Variants in DCUN1D5 observed in about 807,000 individuals in gnomAD.
DCUN1D5 encodes the protein DCN1-like protein 5.
Under a neutral mutation model 38.3 loss-of-function variants are expected in DCUN1D5, and 10 were observed. The ratio of observed to expected loss-of-function variants is 0.26; its 90% CI spans 0.16 to 0.44. DCUN1D5 has a LOEUF of 0.44. Ranked by LOEUF, DCUN1D5 falls within the 20% of genes least tolerant of loss-of-function variation. The probability of loss-of-function intolerance (pLI) is 1.00; values close to 1 mark genes in which losing one functional copy is unlikely to be tolerated. For synonymous variants in DCUN1D5, 93 were observed against 90.9 expected, an observed-to-expected ratio of 1.02 and a Z score of -0.13; for missense variants, 148 against 275.3, an observed-to-expected ratio of 0.54 and a Z score of 3.27.
chr11:103,070,432 C>A (rs1224748371), intron 4 of DCUN1D5, among the ~76,000 whole-genome samples: 1 of 152,036 alleles, frequency 6.6e-6, no homozygotes, highest in Non-Finnish European at 1.5e-5. Context: ...AATAGAGCAA[C>A]TTCAGAGCAA....
At chr11:103,070,321 C>T (rs1381168954) in intron 4 of DCUN1D5, among the ~76,000 whole-genome samples, 1 of 151,962 alleles carries the variant, frequency 6.6e-6, no homozygotes, top group Admixed American at 6.6e-5. Flanking sequence ...ACTTTAACTT[C>T]AAATAGTATA....
At position 103,055,546 on chromosome 11, in the gene DCUN1D5, C is replaced by T. The variant is rs886498816; in HGVS notation, c.*6813G>A. ...TGCCATTTGTTTACATATTTGGCAA[C>T]TATTATCAATCTTGCTTTTTAAATC... On this transcript the variant is annotated 3_prime_UTR_variant, in exon 8 of 8. Coordinates refer to ENST00000260247, the MANE Select transcript of DCUN1D5 (RefSeq NM_032299.4). The T allele has an allele frequency of 5.9e-5, 9 of 152,148 alleles. No individual in the cohort carries two copies. The highest frequency in any genetic ancestry group is 2.2e-4 in the African/African-American group (9 of 41,452). The allele number at this position is 152,148 out of a possible 1,614,324, so 9.4% of individuals were successfully genotyped here.
chr11:103,085,806 T>A (rs979781807), intron 2 of DCUN1D5, among the ~76,000 whole-genome samples: 2 of 152,192 alleles, frequency 1.3e-5, no homozygotes, highest in Non-Finnish European at 1.5e-5. Flanking sequence ...GAAGAAGCTA[T>A]AGAAATGATT....
rs1176635276 is a variant in DCUN1D5 at position 103,087,911 on chromosome 11, T to C, written c.178+1316A>G. Among the ~76,000 whole-genome samples the C allele has an allele frequency of 6.6e-6, 1 of 152,192 alleles. No individual in the cohort carries two copies. Among genetic ancestry groups the C allele is most frequent in the African/African-American group, 2.4e-5 (1 of 41,440 alleles). On this transcript the variant is annotated intron_variant, in intron 2 of 7. Coordinates refer to ENST00000260247, the MANE Select transcript of DCUN1D5 (RefSeq NM_032299.4). The surrounding 1 kb of genome is among the most constrained non-coding windows in gnomAD (Gnocchi z 4.1). Reference sequence around the variant, plus strand: ...TAAGATGGGTGACCTTTTGATTATATATCATTCATACCAGTAAAACTGGCA... The same window carrying C: ...TAAGATGGGTGACCTTTTGATTATACATCATTCATACCAGTAAAACTGGCA...
chr11:103,067,085 T>C (rs1389277000), intron 4 of DCUN1D5, among the ~76,000 whole-genome samples: 2 of 152,192 alleles, frequency 1.3e-5, no homozygotes, highest in East Asian at 3.8e-4. Flanking sequence ...CCTATATTTT[T>C]GTGAACAAAA....
At chr11:103,088,240 C>T (rs1459566413) in intron 2 of DCUN1D5, among the ~76,000 whole-genome samples, 1 of 150,982 alleles carries the variant, frequency 6.6e-6, no homozygotes. Context: ...AAATATAAGG[C>T]AATAGCTACA....
intron 4 of DCUN1D5, among the ~76,000 whole-genome samples, chr11:103,074,623 C>A (rs998164036): frequency 3.9e-5 from 6 of 152,220 alleles, no homozygotes; most frequent in Non-Finnish European, 1.5e-5. Flanking sequence ...CCAGGATGGT[C>A]TCAATCTCCT....
chr11:103,080,417 C>G (rs1016636702), intron 4 of DCUN1D5, among the ~76,000 whole-genome samples: 1 of 152,034 alleles, frequency 6.6e-6, no homozygotes, highest in South Asian at 2.1e-4. Context: ...TTATTCATAG[C>G]AAGTTTTTAA....
At position 103,062,078 on chromosome 11, in the gene DCUN1D5, C is replaced by T. The variant is rs1448469864; in HGVS notation, c.*281G>A. ...CTCTGACACTCAAGGGACATCTTCA[C>T]TTTAAGGCCTTTGTCACAAATCTGA... On this transcript the variant is annotated 3_prime_UTR_variant, in exon 8 of 8. Transcript: ENST00000260247. This position sits in a 1 kb window ranked among gnomAD's most constrained non-coding sequence, Gnocchi z 4.6. 10 of 349,842 alleles carry T rather than the reference C, an allele frequency of 2.9e-5. No individual in the cohort carries two copies. The highest frequency in any genetic ancestry group is 4.1e-5 in the Non-Finnish European group (8 of 195,282). The allele number at this position is 349,842 out of a possible 1,614,324, so 21.7% of individuals were successfully genotyped here. A position where few individuals can be genotyped will look rare whatever the true frequency, so the allele number is the denominator to read the frequency against.
rs113032356 is a variant in DCUN1D5, at chr11:103,057,551, CA to C, written c.*4807del. Reference sequence around the variant, plus strand: ...GAAATCCCATCTTTACTAAAACAAACAAAAAAAAAAATACAAAACTTAGCTG... The same window carrying C: ...GAAATCCCATCTTTACTAAAACAAACAAAAAAAAAATACAAAACTTAGCTG... On this transcript the variant is annotated 3_prime_UTR_variant, in exon 8 of 8. Coordinates refer to ENST00000260247, the MANE Select transcript of DCUN1D5 (RefSeq NM_032299.4). This position sits in a 1 kb window ranked among gnomAD's most constrained non-coding sequence, Gnocchi z 4.8. Among the ~76,000 whole-genome samples, 101 of 142,792 alleles carry C rather than the reference CA, an allele frequency of 7.1e-4. No individual in the cohort carries two copies. Among genetic ancestry groups the C allele is most frequent in the African/African-American group, 7.9e-4 (31 of 39,024 alleles). 93.7% of individuals were successfully genotyped at this position (142,792 alleles called of 152,430 possible). A position where few individuals can be genotyped will look rare whatever the true frequency, so the allele number is the denominator to read the frequency against.
Position 103,083,670 on chromosome 11 carries a change from T to C in DCUN1D5, c.179-344A>G, listed in dbSNP as rs1333781533. ...TCTGAATAAAATTTTTGACAATGCA[T>C]GAATATGAAAAAACATAAGGCAGCT... On this transcript the variant is annotated intron_variant, in intron 2 of 7. Transcript: ENST00000260247. The surrounding 1 kb of genome is among the most constrained non-coding windows in gnomAD (Gnocchi z 4.4). Among the ~76,000 whole-genome samples the C allele has an allele frequency of 6.6e-6, 1 of 151,672 alleles. No individual in the cohort carries two copies. Among genetic ancestry groups the C allele is most frequent in the East Asian group, 1.9e-4 (1 of 5,184 alleles).
rs1862058068 is a variant in DCUN1D5 at position 103,063,333 on chromosome 11, TCTC to T, written c.659-922_659-920del. 6.6e-6 allele frequency among the ~76,000 whole-genome samples: 1 copy of T among 152,102 alleles called. No homozygotes were observed. The highest frequency in any genetic ancestry group is 2.1e-4 in the South Asian group (1 of 4,834). ...CTAAATGTTGTATTTTAATACAAAATCTCCTAGTTTTAAATGCTGATACAAAAT... is the reference window on the plus strand; with the variant it reads ...CTAAATGTTGTATTTTAATACAAAATCTAGTTTTAAATGCTGATACAAAAT... On this transcript the variant is annotated intron_variant, in intron 7 of 7. Transcript: ENST00000260247. The surrounding 1 kb of genome is among the most constrained non-coding windows in gnomAD (Gnocchi z 4.6).
rs553128620 is a variant in DCUN1D5, at chr11:103,065,801, A to C, written c.555+468T>G. ...TATAGCCATTCTCATATTTGTGGCCATAAAATATTAATAGCTTTATTCTGT... is the reference window on the plus strand; with the variant it reads ...TATAGCCATTCTCATATTTGTGGCCCTAAAATATTAATAGCTTTATTCTGT... On this transcript the variant is annotated intron_variant, in intron 6 of 7. Coordinates refer to ENST00000260247, the MANE Select transcript of DCUN1D5 (RefSeq NM_032299.4). The surrounding 1 kb of genome is among the most constrained non-coding windows in gnomAD (Gnocchi z 4.6). Among the ~76,000 whole-genome samples the C allele has an allele frequency of 2.0e-5, 3 of 152,160 alleles. No homozygotes were observed. The highest frequency in any genetic ancestry group is 4.8e-5 in the African/African-American group (2 of 41,444).
At chr11:103,074,696 G>T (rs1862365998) in intron 4 of DCUN1D5, among the ~76,000 whole-genome samples, 2 of 152,166 alleles carry the variant, frequency 1.3e-5, no homozygotes, top group South Asian at 4.1e-4. Flanking sequence ...GAGCCACCAT[G>T]CCCAGGAGTT....
At chr11:103,072,683 T>G (rs1304779268) in intron 4 of DCUN1D5, among the ~76,000 whole-genome samples, 1 of 143,128 alleles carries the variant, frequency 7.0e-6, no homozygotes, top group African/African-American at 2.6e-5. Context: ...CACTGCATGT[T>G]CTCACTCATA....
rs1434086318 is a variant in DCUN1D5 at position 103,065,108 on chromosome 11, T to C, written c.556-731A>G. On this transcript the variant is annotated intron_variant, in intron 6 of 7. Transcript: ENST00000260247. This position sits in a 1 kb window ranked among gnomAD's most constrained non-coding sequence, Gnocchi z 4.6. Reference sequence around the variant, plus strand: ...TAATTTATAGGACTTACAGATTGAATCATGCGTAAAACTCATTCATGTAAG... The same window carrying C: ...TAATTTATAGGACTTACAGATTGAACCATGCGTAAAACTCATTCATGTAAG... Among the ~76,000 whole-genome samples the C allele has an allele frequency of 1.3e-5, 2 of 151,884 alleles. No homozygotes were observed. The highest frequency in any genetic ancestry group is 2.9e-5 in the Non-Finnish European group (2 of 67,968).
intron 4 of DCUN1D5, chr11:103,080,107 CA>C (rs1371966538): frequency 1.3e-5 from 2 of 152,182 alleles, no homozygotes; most frequent in African/African-American, 4.8e-5. Context: ...TCCTTTAACA[CA>C]GTGTATGTTT....
chr11:103,062,186 A>G lies in DCUN1D5; in HGVS notation c.*173T>C, dbSNP rs1178013203. 4.9e-6 allele frequency: 3 copies of G among 606,308 alleles called. No individual in the cohort carries two copies. In the African/African-American group the frequency reaches 5.6e-5, roughly 11 times the overall value. 37.6% of individuals were successfully genotyped at this position (606,308 alleles called of 1,614,324 possible). A position where few individuals can be genotyped will look rare whatever the true frequency, so the allele number is the denominator to read the frequency against. On this transcript the variant is annotated 3_prime_UTR_variant, in exon 8 of 8. Coordinates refer to ENST00000260247, the MANE Select transcript of DCUN1D5 (RefSeq NM_032299.4). This position sits in a 1 kb window ranked among gnomAD's most constrained non-coding sequence, Gnocchi z 4.6. ...TTCAGTCTAAGAAGAGGTGTGGCTC[A>G]ATGCCCATCACATGTAACAAGAAAA...
At chr11:103,089,453 A>C (rs924715261) in intron 1 of DCUN1D5, 135 bp from the exon 2 acceptor site, 30 of 741,948 alleles carry the variant, frequency 4.0e-5, no homozygotes, top group Non-Finnish European at 6.0e-5. Context: ...TTGGAAAAAA[A>C]CTGAAGTTGT....
Sources: gnomAD v4.1 joint callset for allele counts (sites outside exome capture counted in the v4.1 genomes callset) on GRCh38, gnomAD v4.1.1 for gene constraint, Gnocchi (gnomAD v3.1) non-coding constraint, MANE v1.5 for transcripts, NCBI Gene and HGNC (gene_info 2026-07-23, HGNC 2026-07-21) for gene names.